The following CTHRC1 variants were observed in gnomAD, a reference collection of about 807,000 sequenced individuals.
CTHRC1 encodes the protein collagen triple helix repeat-containing protein 1.
A neutral mutation model predicts 25.9 loss-of-function variants in CTHRC1; 21 were observed. The observed-to-expected ratio is 0.81, with a 90% CI of 0.57 to 1.17. The LOEUF (loss-of-function observed/expected upper bound fraction) is 1.17. CTHRC1 is among the 50% of genes most tolerant of loss of function. The pLI is 0.00. For missense variants in CTHRC1, 281 were observed against 304.3 expected, an observed-to-expected ratio of 0.92 and a Z score of 0.57; for synonymous variants, 109 against 113.1, an observed-to-expected ratio of 0.96 and a Z score of 0.23.
At chr8:103,376,601 G>A (rs1417792896) in intron 2 of CTHRC1, among the ~76,000 whole-genome samples, 1 of 152,216 alleles carries the variant, frequency 6.6e-6, no homozygotes. Context: ...AGTCCACTGG[G>A]ATGGAAGAGA....
chr8:103,379,604 T>C (rs556481909), intron 3 of CTHRC1, among the ~76,000 whole-genome samples: 35 of 152,312 alleles, frequency 2.3e-4, no homozygotes, highest in African/African-American at 7.9e-4. Context: ...GTACATACTG[T>C]TATATTCATA....
At chr8:103,375,024 T>C (rs1441908511) in intron 1 of CTHRC1, among the ~76,000 whole-genome samples, 2 of 152,156 alleles carry the variant, frequency 1.3e-5, no homozygotes, top group Non-Finnish European at 2.9e-5. Context: ...TGGTCCCCTA[T>C]TGAGAACTAA....
At position 103,378,099 on chromosome 8, in the gene CTHRC1, T is replaced by C. The variant is rs1815841658; in HGVS notation, c.445T>C (p.Cys149Arg). The C allele has an allele frequency of 2.5e-6, 4 of 1,614,222 alleles. No individual in the cohort carries two copies. The East Asian group carries it at 8.9e-5, about 36-fold the overall frequency. Reference protein sequence around the residue: ...VLFSGSLRLKCRNACCQRWYF... With the variant: ...VLFSGSLRLKRRNACCQRWYF... ...GTTCAGTGGCTCACTTCGGCTAAAA[T>C]GCAGAAATGCATGCTGTCAGCGTTG... The change falls in exon 3 of 4, where the codon TGC (cysteine) becomes CGC (arginine). Residue 149 changes from cysteine to arginine, a missense_variant. Cys to Arg is a radical substitution (Grantham distance 180). Coordinates refer to ENST00000330295, the MANE Select transcript of CTHRC1 (RefSeq NM_138455.4).
Position 103,372,582 on chromosome 8 carries a change from A to G in CTHRC1, c.150+776A>G, listed in dbSNP as rs6995610. 1,048 of 1,598,350 alleles carry G rather than the reference A, an allele frequency of 6.6e-4. 4 individuals are homozygous for G. In the African/African-American group the frequency reaches 0.012, roughly 18 times the overall value. On this transcript the variant is annotated intron_variant, in intron 1 of 3. Transcript: ENST00000330295. ...GCCGCCAGGTAGGAGCATCACAGTC[A>G]AGCTACGGGAGAAAACAGTTTCCAG... is the stretch of plus-strand genomic sequence containing the variant.
intron 3 of CTHRC1, among the ~76,000 whole-genome samples, chr8:103,382,241 A>G (rs970555534): frequency 1.3e-5 from 2 of 152,192 alleles, no homozygotes; most frequent in African/African-American, 2.4e-5. Flanking sequence ...TGTTAAACTT[A>G]TATCATAGAA....
intron 3 of CTHRC1, among the ~76,000 whole-genome samples, chr8:103,378,987 T>C (rs2687361): frequency 0.79 from 118,625 of 150,934 alleles, 46,527 homozygotes; most frequent in Middle Eastern, 0.83. Flanking sequence ...CAGAGTGAGA[T>C]GCAGTCTCAA....
At chr8:103,372,735 T>A in intron 1 of CTHRC1, 1 of 1,229,438 alleles carries the variant, frequency 8.1e-7, no homozygotes, top group Non-Finnish European at 1.2e-6. Flanking sequence ...TGGCCTGTGG[T>A]ATGAGGGAGC....
At chr8:103,381,055 A>G (rs1444604458) in intron 3 of CTHRC1, among the ~76,000 whole-genome samples, 1 of 152,218 alleles carries the variant, frequency 6.6e-6, no homozygotes, top group East Asian at 1.9e-4. Context: ...CCAGTCACAT[A>G]AAGTCATCCA....
In CTHRC1 at chr8:103,382,626, C is replaced by T; in HGVS notation, c.*26C>T. 1 of 1,584,348 alleles carries T rather than the reference C, an allele frequency of 6.3e-7. No individual in the cohort carries two copies. Among genetic ancestry groups the T allele is most frequent in the Non-Finnish European group, 8.7e-7 (1 of 1,153,202 alleles). The stretch of plus-strand genomic sequence containing the variant: ...ATGCTTTAATTTTCATTTGCTACCT[C>T]TTTTTTTATTATGCCTTGGAATGGT... On this transcript the variant is annotated 3_prime_UTR_variant, in exon 4 of 4. Transcript: ENST00000330295.
intron 2 of CTHRC1, chr8:103,377,129 A>T (rs2130402171): frequency 6.6e-6 from 1 of 152,346 alleles, no homozygotes; most frequent in South Asian, 2.1e-4. Flanking sequence ...GAGCCAATAG[A>T]CAGACAAATT....
intron 3 of CTHRC1, among the ~76,000 whole-genome samples, chr8:103,380,779 T>C (rs1815896130): frequency 6.6e-6 from 1 of 152,222 alleles, no homozygotes; most frequent in Non-Finnish European, 1.5e-5. Flanking sequence ...TTCTAGGCCA[T>C]GGCTGTCAAG....
chr8:103,381,172 G>A (rs1815903557), intron 3 of CTHRC1, among the ~76,000 whole-genome samples: 1 of 151,922 alleles, frequency 6.6e-6, no homozygotes, highest in Admixed American at 6.6e-5. Flanking sequence ...ATGTATACAT[G>A]TGCCATGTTT....
At chr8:103,375,616 C>T (rs1433891533) in intron 1 of CTHRC1, 122 bp from the exon 2 acceptor site, 6 of 806,782 alleles carry the variant, frequency 7.4e-6, no homozygotes, top group Admixed American at 1.8e-5. Context: ...ATCTAGAACA[C>T]GGGCATGTGG....
In CTHRC1 at chr8:103,371,701, C is replaced by CCTCCTGCTG. The variant is rs904782147; in HGVS notation, c.57_65dup (p.Leu20_Leu22dup). On this transcript the variant is annotated inframe_insertion, in exon 1 of 4. Transcript: ENST00000330295. Reference sequence around the variant, plus strand: ...CCGCCTCCCCGCAGCGGCTCCGCGGCCTCCTGCTGCTCCTGCTGCTGCAGC... The same window carrying CCTCCTGCTG: ...CCGCCTCCCCGCAGCGGCTCCGCGGCCTCCTGCTGCTCCTGCTGCTCCTGCTGCTGCAGC... 142 of 1,534,054 alleles carry CCTCCTGCTG rather than the reference C, an allele frequency of 9.3e-5. No individual in the cohort carries two copies. The highest frequency in any genetic ancestry group is 1.2e-4 in the Non-Finnish European group (135 of 1,141,190).
At chr8:103,377,749 G>A (rs546285910) in intron 2 of CTHRC1, among the ~76,000 whole-genome samples, 6 of 152,162 alleles carry the variant, frequency 3.9e-5, no homozygotes, top group South Asian at 4.2e-4. Context: ...GATTACAGGC[G>A]TGCGCCACCA....
intron 1 of CTHRC1, 107 bp from the exon 2 acceptor site, chr8:103,375,630 GA>G: frequency 2.3e-6 from 2 of 881,702 alleles, no homozygotes; most frequent in Admixed American, 3.4e-5. Context: ...CATGTGGTAT[GA>G]AGGGATTCTT....
At chr8:103,379,414 T>G (rs1240059947) in intron 3 of CTHRC1, among the ~76,000 whole-genome samples, 1 of 151,928 alleles carries the variant, frequency 6.6e-6, no homozygotes, top group East Asian at 1.9e-4. Context: ...ATGCCTGGCC[T>G]GTTTGTTCTA....
chr8:103,371,575 C>G lies in CTHRC1; in HGVS notation c.-82C>G. ...GATGCAGCCTGCGGCGGCCTCGGAG[C>G]GCGGCGGAGCCAGACGCTGACCACG... On this transcript the variant is annotated 5_prime_UTR_variant, in exon 1 of 4. Coordinates refer to ENST00000330295, the MANE Select transcript of CTHRC1 (RefSeq NM_138455.4). 1 of 1,445,232 alleles carries G rather than the reference C, an allele frequency of 6.9e-7. No individual in the cohort carries two copies. Among genetic ancestry groups the G allele is most frequent in the Non-Finnish European group, 9.3e-7 (1 of 1,079,222 alleles). The allele number at this position is 1,445,232 out of a possible 1,614,324, so 89.5% of individuals were successfully genotyped here. A position where few individuals can be genotyped will look rare whatever the true frequency, so the allele number is the denominator to read the frequency against.
rs1815846242 is a variant in CTHRC1 at position 103,378,318 on chromosome 8, G to A, written c.589+75G>A. Reference sequence around the variant, plus strand: ...TAGTTTTGAGTCCCACTATCATGTTGGTTCACTAGCCTACTGTAAAGGGAC... The same window carrying A: ...TAGTTTTGAGTCCCACTATCATGTTAGTTCACTAGCCTACTGTAAAGGGAC... On this transcript the variant is annotated intron_variant, in intron 3 of 3. Coordinates refer to ENST00000330295, the MANE Select transcript of CTHRC1 (RefSeq NM_138455.4). The A allele has an allele frequency of 5.0e-6, 6 of 1,199,942 alleles. No individual in the cohort carries two copies. The Admixed American group carries it at 1.1e-4, about 22-fold the overall frequency. The allele number at this position is 1,199,942 out of a possible 1,614,324, so 74.3% of individuals were successfully genotyped here.
Sources: allele counts gnomAD v4.1 joint callset (sites outside exome capture counted in the v4.1 genomes callset), GRCh38; gene constraint gnomAD v4.1.1; transcripts MANE v1.5; gene names NCBI Gene and HGNC (gene_info 2026-07-23, HGNC 2026-07-21).